The following PTPRT variants were observed in gnomAD, a reference collection of about 807,000 sequenced individuals.
The protein encoded by PTPRT is protein tyrosine phosphatase receptor type T.
PTPRT carries 56 observed loss-of-function variants against 176.8 expected under a neutral mutation model. The ratio of observed to expected loss-of-function variants is 0.32; its 90% confidence interval spans 0.26 to 0.40. PTPRT has a LOEUF of 0.40. Among genes scored for constraint, PTPRT ranks in the 10% least tolerant of loss-of-function variants. The pLI, the probability that PTPRT is intolerant of heterozygous loss-of-function variation, is 1.00. For synonymous variants in PTPRT, 783 were observed against 739.0 expected (o/e 1.06, Z -0.96); for missense variants, 1,540 against 1,908.2 (o/e 0.81, Z 3.60).
At chr20:42,228,420 G>A (rs1292753691) in intron 15 of PTPRT, among the ~76,000 whole-genome samples, 3 of 152,342 alleles carry the variant, frequency 2.0e-5, no homozygotes, top group African/African-American at 7.2e-5. Context: ...CATCCGTTCA[G>A]TTGCAATCCC....
At chr20:42,115,918 T>C in intron 21 of PTPRT, 1 of 634,556 alleles carries the variant, frequency 1.6e-6, no homozygotes, top group Non-Finnish European at 2.9e-6. Context: ...CAAGGGAAGA[T>C]GCGCAGTTCC....
chr20:42,276,862 C>T (rs1270696505), intron 13 of PTPRT, among the ~76,000 whole-genome samples: 1 of 151,966 alleles, frequency 6.6e-6, no homozygotes, highest in East Asian at 1.9e-4. Context: ...GGACACATCA[C>T]TCCTCCTCTG....
In PTPRT at chr20:42,808,797, C is replaced by A. The variant is rs181925181; in HGVS notation, c.215-17331G>T. 7.2e-5 allele frequency among the ~76,000 whole-genome samples: 11 copies of A among 152,274 alleles called. No homozygotes were observed. The East Asian group carries it at 2.1e-3, about 29-fold the overall frequency. ...CTCAGGAAATCCCTAAGTATAAGGA[C>A]CACAGGAAAAGTCGAGTCTGTAGTT... On this transcript the variant is annotated intron_variant, in intron 2 of 30. Transcript: ENST00000373187.
chr20:42,056,050 T>C, the PTPRT span, among the ~76,000 whole-genome samples: 4 of 152,228 alleles, frequency 2.6e-5, no homozygotes, highest in African/African-American at 9.6e-5. Flanking sequence ...ATGCTATTTA[T>C]CGTTCCTCTG....
intron 7 of PTPRT, among the ~76,000 whole-genome samples, chr20:42,672,768 C>T (rs1211801489): frequency 1.3e-5 from 2 of 152,106 alleles, no homozygotes; most frequent in Non-Finnish European, 2.9e-5. Context: ...TCCCTTAGTA[C>T]CCCAGAATTT....
At chr20:42,496,451 T>C (rs1367619023) in intron 7 of PTPRT, among the ~76,000 whole-genome samples, 1 of 152,184 alleles carries the variant, frequency 6.6e-6, no homozygotes, top group Admixed American at 6.5e-5. Context: ...AACCGTTCTG[T>C]CAGATAATCT....
At chr20:42,803,410 T>A (rs972841948) in intron 2 of PTPRT, among the ~76,000 whole-genome samples, 9 of 152,210 alleles carry the variant, frequency 5.9e-5, no homozygotes, top group African/African-American at 2.2e-4. Context: ...CCTCAGCCTA[T>A]CAGGGTAGAC....
intron 7 of PTPRT, among the ~76,000 whole-genome samples, chr20:42,617,917 G>C (rs922318236): frequency 7.3e-6 from 1 of 137,552 alleles, no homozygotes; most frequent in Non-Finnish European, 1.5e-5. Flanking sequence ...TTTTTTGAAG[G>C]GTTTTTTGTA....
chr20:42,116,536 C>T (rs949239974), intron 21 of PTPRT, among the ~76,000 whole-genome samples: 2 of 152,140 alleles, frequency 1.3e-5, no homozygotes, highest in African/African-American at 2.4e-5. Flanking sequence ...CTCTGTCTAC[C>T]ACGGCTCACA....
intron 12 of PTPRT, among the ~76,000 whole-genome samples, chr20:42,311,418 C>T (rs754443697): frequency 2.6e-5 from 4 of 152,144 alleles, no homozygotes; most frequent in Non-Finnish European, 4.4e-5. Context: ...ACAAAGATGT[C>T]CAGACCTCAG....
the PTPRT span, among the ~76,000 whole-genome samples, chr20:42,062,692 C>T: frequency 4.6e-5 from 7 of 152,148 alleles, no homozygotes; most frequent in Middle Eastern, 3.4e-3. Flanking sequence ...CTTTTTTTCC[C>T]TGCAGGCAGG....
intron 1 of PTPRT, among the ~76,000 whole-genome samples, chr20:43,107,553 T>G (rs1450344998): frequency 6.6e-6 from 1 of 152,212 alleles, no homozygotes; most frequent in Non-Finnish European, 1.5e-5. Context: ...TCATTTTACA[T>G]CAAGATCAGC....
intron 7 of PTPRT, among the ~76,000 whole-genome samples, chr20:42,547,809 A>G (rs768999792): frequency 3.7e-4 from 57 of 152,212 alleles, no homozygotes; most frequent in Non-Finnish European, 7.1e-4. Context: ...TTTGCAGATA[A>G]TACAATCATA....
intron 6 of PTPRT, among the ~76,000 whole-genome samples, chr20:42,736,431 C>T (rs988439717): frequency 3.3e-5 from 5 of 152,240 alleles, no homozygotes; most frequent in African/African-American, 1.2e-4. Flanking sequence ...CCAAGCCCTG[C>T]AGTTGCTTCA....
intron 7 of PTPRT, among the ~76,000 whole-genome samples, chr20:42,526,761 TAGA>T (rs1229004215): frequency 1.3e-5 from 2 of 152,090 alleles, no homozygotes; most frequent in Non-Finnish European, 2.9e-5. Context: ...CAGCTATTTG[TAGA>T]AGGTTTTATT....
chr20:42,477,823 C>T (rs1401027943), intron 7 of PTPRT, among the ~76,000 whole-genome samples: 1 of 152,170 alleles, frequency 6.6e-6, no homozygotes, highest in Non-Finnish European at 1.5e-5. Context: ...GTGGCTCTAC[C>T]TCTGGATGCA....
At chr20:43,069,805 G>A (rs928285402) in intron 1 of PTPRT, among the ~76,000 whole-genome samples, 2 of 152,310 alleles carry the variant, frequency 1.3e-5, no homozygotes, top group South Asian at 2.1e-4. Flanking sequence ...GGTTAGTCAT[G>A]TATGACAGCT....
chr20:42,174,262 T>C (rs1990192999), intron 16 of PTPRT, among the ~76,000 whole-genome samples: 1 of 152,130 alleles, frequency 6.6e-6, no homozygotes, highest in African/African-American at 2.4e-5. Context: ...TAAAGAAAGG[T>C]AAATCACACA....
At chr20:42,870,111 CTT>C (rs1239643832) in intron 2 of PTPRT, among the ~76,000 whole-genome samples, 1 of 152,082 alleles carries the variant, frequency 6.6e-6, no homozygotes, top group Admixed American at 6.6e-5. Flanking sequence ...TTTGTGGTAC[CTT>C]TTATAGTAGC....
Sources: allele counts gnomAD v4.1 joint callset (sites outside exome capture counted in the v4.1 genomes callset), GRCh38; gene constraint gnomAD v4.1.1; transcripts MANE v1.5; gene names NCBI Gene and HGNC (gene_info 2026-07-23, HGNC 2026-07-21).